NALF1: variants seen among roughly 807,000 people sequenced by gnomAD.
NALF1 encodes NALCN channel auxiliary factor 1.
NALF1 carries 3 observed loss-of-function variants against 48.4 expected under a neutral mutation model. The observed-to-expected ratio is 0.06, with a 90% CI of 0.03 to 0.16. The LOEUF (loss-of-function observed/expected upper bound fraction) is 0.16, where lower values mean the gene tolerates loss of function less well. Ranked by LOEUF, NALF1 falls within the 10% of genes least tolerant of loss-of-function variation. The pLI is 1.00. For missense variants in NALF1, 526 were observed against 571.5 expected, an observed-to-expected ratio of 0.92 and a Z score of 0.81; for synonymous variants, 262 against 245.7, an observed-to-expected ratio of 1.07 and a Z score of -0.62.
chr13:107,410,414 C>G (rs1535712), intron 1 of NALF1, among the ~76,000 whole-genome samples: 36,615 of 151,994 alleles, frequency 0.24, 4,582 homozygotes, highest in Middle Eastern at 0.29. Context: ...GCCTATGAAA[C>G]CAAGAATCCG....
intron 1 of NALF1, among the ~76,000 whole-genome samples, chr13:107,823,937 T>C (rs900681341): frequency 1.3e-5 from 2 of 152,140 alleles, no homozygotes; most frequent in Middle Eastern, 3.4e-3. Context: ...GTGTTTCTTG[T>C]AGTGCTGGCA....
intron 1 of NALF1, among the ~76,000 whole-genome samples, chr13:107,271,810 A>ATTTATTTATTTATTTATT (rs1287963208): frequency 2.9e-4 from 4 of 13,796 alleles, no homozygotes; most frequent in African/African-American, 4.4e-4. Context: ...ATATATATAT[A>ATTTATTTATTTATTTATT]TATATATTTA....
At chr13:107,838,274 A>G (rs946055758) in intron 1 of NALF1, among the ~76,000 whole-genome samples, 1 of 152,198 alleles carries the variant, frequency 6.6e-6, no homozygotes, top group Non-Finnish European at 1.5e-5. Flanking sequence ...ACTCCATCCT[A>G]TGAATCAGAG....
chr13:107,179,287 C>T lies in NALF1; in HGVS notation c.1088-8501G>A, dbSNP rs373776306. Among the ~76,000 whole-genome samples the T allele has an allele frequency of 6.6e-5, 10 of 152,138 alleles. No individual in the cohort carries two copies. The South Asian group carries it at 1.9e-3, about 28-fold the overall frequency. ...CAGAAAGAAAAACTTTGTATGTTCT[C>T]GCCTACTTGTGAGACCTAAAAAATT... is the stretch of plus-strand genomic sequence containing the variant. On this transcript the variant is annotated intron_variant, in intron 2 of 2. Transcript: ENST00000375915.
chr13:107,181,883 T>C (rs1301174502), intron 2 of NALF1, among the ~76,000 whole-genome samples: 3 of 152,188 alleles, frequency 2.0e-5, no homozygotes. Context: ...GAGGTTTTTG[T>C]TATTGTTTTA....
At chr13:107,698,070 C>T (rs1417903) in intron 1 of NALF1, among the ~76,000 whole-genome samples, 151,058 of 152,294 alleles carry the variant, frequency 0.99, 74,925 homozygotes, top group East Asian at 1. Flanking sequence ...TAAATTTCTT[C>T]TGGAAATCTC....
intron 2 of NALF1, among the ~76,000 whole-genome samples, chr13:107,178,917 C>T (rs1879000167): frequency 6.6e-6 from 1 of 151,872 alleles, no homozygotes; most frequent in Non-Finnish European, 1.5e-5. Context: ...TGCACTCCAG[C>T]CTGGGTCACA....
intron 1 of NALF1, among the ~76,000 whole-genome samples, chr13:107,598,138 T>C (rs553760912): frequency 6.6e-6 from 1 of 152,256 alleles, no homozygotes; most frequent in East Asian, 1.9e-4. Flanking sequence ...ATTTGCTCTA[T>C]GGACACACAC....
chr13:107,359,227 C>A (rs1053409782), intron 1 of NALF1, among the ~76,000 whole-genome samples: 2 of 152,058 alleles, frequency 1.3e-5, no homozygotes, highest in Non-Finnish European at 2.9e-5. Flanking sequence ...CTTGAACACT[C>A]AAACCTACAG....
chr13:107,550,975 C>T (rs973109921), intron 1 of NALF1, among the ~76,000 whole-genome samples: 2 of 151,678 alleles, frequency 1.3e-5, no homozygotes, highest in African/African-American at 4.8e-5. Flanking sequence ...TGTTGTTCTT[C>T]CTGTATAAAG....
intron 1 of NALF1, among the ~76,000 whole-genome samples, chr13:107,503,742 GGTGTGTGTGTTTGTGT>G (rs1356096632): frequency 0.068 from 5,387 of 79,014 alleles, 341 homozygotes; most frequent in African/African-American, 0.17. Context: ...ATGTGTGTCT[GGTGTGTGTGTTTGTGT>G]GTGTGTGTGT....
At chr13:107,334,837 CTTG>C (rs1373441604) in intron 1 of NALF1, among the ~76,000 whole-genome samples, 1 of 152,132 alleles carries the variant, frequency 6.6e-6, no homozygotes, top group African/African-American at 2.4e-5. Flanking sequence ...TCTCTAAGTT[CTTG>C]TTGAGCCTAT....
chr13:107,632,306 G>A (rs774815701), intron 1 of NALF1, among the ~76,000 whole-genome samples: 5 of 152,056 alleles, frequency 3.3e-5, no homozygotes, highest in Admixed American at 6.6e-5. Flanking sequence ...ACGTCCTTGG[G>A]TAATTCAACT....
chr13:107,516,353 T>G (rs946835217), intron 1 of NALF1, among the ~76,000 whole-genome samples: 3 of 152,206 alleles, frequency 2.0e-5, no homozygotes, highest in African/African-American at 7.2e-5. Context: ...CATGTGGTAT[T>G]TACTTGCTGT....
At chr13:107,294,192 A>C (rs540350225) in intron 1 of NALF1, among the ~76,000 whole-genome samples, 3 of 152,312 alleles carry the variant, frequency 2.0e-5, no homozygotes, top group Non-Finnish European at 4.4e-5. Flanking sequence ...GGAGGGACAA[A>C]GGAGAAGAAT....
intron 1 of NALF1, among the ~76,000 whole-genome samples, chr13:107,604,778 C>T (rs1286200272): frequency 6.6e-6 from 1 of 152,150 alleles, no homozygotes; most frequent in Non-Finnish European, 1.5e-5. Context: ...TGGGTGACAT[C>T]ATGAAGCTGT....
chr13:107,385,552 C>CAAAAAAAA (rs201307018), intron 1 of NALF1, among the ~76,000 whole-genome samples: 25 of 118,274 alleles, frequency 2.1e-4, no homozygotes, highest in African/African-American at 5.4e-4. Flanking sequence ...GATTCCATCT[C>CAAAAAAAA]AAAAAAAAAA....
At chr13:107,347,692 T>C (rs1203803326) in intron 1 of NALF1, among the ~76,000 whole-genome samples, 1 of 152,172 alleles carries the variant, frequency 6.6e-6, no homozygotes, top group African/African-American at 2.4e-5. Context: ...AAGTCTGTGT[T>C]AAGTCAAATG....
intron 1 of NALF1, among the ~76,000 whole-genome samples, chr13:107,369,468 C>T (rs1883210959): frequency 6.6e-6 from 1 of 152,044 alleles, no homozygotes; most frequent in Admixed American, 6.5e-5. Flanking sequence ...ATATAAAAGT[C>T]ACTAAAATCA....
Sources: gnomAD v4.1 joint callset for allele counts (sites outside exome capture counted in the v4.1 genomes callset) on GRCh38, gnomAD v4.1.1 for gene constraint, MANE v1.5 for transcripts, NCBI Gene and HGNC (gene_info 2026-07-23, HGNC 2026-07-21) for gene names.